IFRD1: variants seen among roughly 807,000 people sequenced by gnomAD.
The protein encoded by IFRD1 is interferon related developmental regulator 1, also known as interferon-related developmental regulator 1.
IFRD1 carries 35 observed loss-of-function variants against 52.9 expected under a neutral mutation model. The observed-to-expected ratio is 0.66, with a 90% CI of 0.51 to 0.88. The LOEUF (loss-of-function observed/expected upper bound fraction) is 0.88, where lower values mean the gene tolerates loss of function less well. IFRD1 is among the 40% of genes least tolerant of loss of function. IFRD1 has a pLI of 0.00. For synonymous variants in IFRD1, 184 were observed against 188.4 expected, an observed-to-expected ratio of 0.98 and a Z score of 0.19; for missense variants, 517 against 550.8, an observed-to-expected ratio of 0.94 and a Z score of 0.61.
chr7:112,442,607 G>T (rs1794918791), intron 1 of IFRD1, among the ~76,000 whole-genome samples: 1 of 152,200 alleles, frequency 6.6e-6, no homozygotes, highest in South Asian at 2.1e-4. Flanking sequence ...GTCCCTGGGG[G>T]TGGGCAGTGA....
chr7:112,469,106 G>A (rs902589707), intron 9 of IFRD1, among the ~76,000 whole-genome samples: 10 of 152,130 alleles, frequency 6.6e-5, no homozygotes, highest in Non-Finnish European at 1.3e-4. Context: ...TGGATTTGAA[G>A]GGTGTGTTTC....
chr7:112,429,299 T>C (rs1399736329), intron 1 of IFRD1, among the ~76,000 whole-genome samples: 10 of 152,254 alleles, frequency 6.6e-5, no homozygotes, highest in Non-Finnish European at 1.2e-4. Context: ...CATCACTCTG[T>C]ATCATAGTCG....
At chr7:112,428,932 A>G (rs1362059066) in intron 1 of IFRD1, among the ~76,000 whole-genome samples, 1 of 152,198 alleles carries the variant, frequency 6.6e-6, no homozygotes, top group East Asian at 1.9e-4. Context: ...TATTGTCATC[A>G]TGACAACAGA....
At chr7:112,444,813 AG>A (rs1330896398) in intron 1 of IFRD1, among the ~76,000 whole-genome samples, 3 of 152,110 alleles carry the variant, frequency 2.0e-5, no homozygotes, top group Non-Finnish European at 4.4e-5. Flanking sequence ...GGAGGGATGG[AG>A]GGGGAAAGAG....
rs1584506950 is a variant in IFRD1, at chr7:112,475,661, A to G, written c.*142A>G. The G allele has an allele frequency of 3.6e-5, 23 of 630,304 alleles. 1 individual carries two copies. The East Asian group carries it at 6.4e-4, about 18-fold the overall frequency. The allele number at this position is 630,304 out of a possible 1,614,324, so 39.0% of individuals were successfully genotyped here. ...TTATATTGCTTATAATTTAATGTAC[A>G]ATACTATTGAAACTGGTGAGTTCTG... is the stretch of plus-strand genomic sequence containing the variant. On this transcript the variant is annotated 3_prime_UTR_variant, in exon 12 of 12. Coordinates refer to ENST00000403825, the MANE Select transcript of IFRD1 (RefSeq NM_001550.4).
At chr7:112,432,220 G>T (rs1209375091) in intron 1 of IFRD1, among the ~76,000 whole-genome samples, 4 of 152,154 alleles carry the variant, frequency 2.6e-5, no homozygotes, top group Non-Finnish European at 5.9e-5. Flanking sequence ...ACTGTAAGTG[G>T]TACAGAGTGT....
At chr7:112,428,440 G>A (rs1395692443) in intron 1 of IFRD1, among the ~76,000 whole-genome samples, 1 of 152,210 alleles carries the variant, frequency 6.6e-6, no homozygotes, top group African/African-American at 2.4e-5. Context: ...TTAAGAGGCA[G>A]TGACAGGTAG....
upstream of IFRD1, among the ~76,000 whole-genome samples, chr7:112,447,907 ATAAG>A (rs139691014): frequency 0.057 from 8,631 of 152,208 alleles, 275 homozygotes; most frequent in South Asian, 0.098. Context: ...GTTTGTAGTG[ATAAG>A]TAGTTTCTCC....
rs566156427 is a variant in IFRD1 at position 112,440,054 on chromosome 7, C to T, written c.-181-10454C>T. Among the ~76,000 whole-genome samples, 18 of 151,936 alleles carry T rather than the reference C, an allele frequency of 1.2e-4. No homozygotes were observed. In the East Asian group the frequency reaches 2.7e-3, roughly 23 times the overall value. ...AGGCTGGAGTGCAGTGGTGCAATCT[C>T]GGCTCACTGCAACCTCTGCCTCCTG... On this transcript the variant is annotated intron_variant, in intron 1 of 12. Coordinates refer to the IFRD1 transcript ENST00000005558.
chr7:112,450,405 G>C (rs911306140), upstream of IFRD1: 1 of 483,544 alleles, frequency 2.1e-6, no homozygotes, highest in Non-Finnish European at 3.8e-6. Context: ...CCCGCCCACA[G>C]AGTGACGTCA....
At chr7:112,424,418 CT>C (rs150700456) in intron 1 of IFRD1, among the ~76,000 whole-genome samples, 29,582 of 144,938 alleles carry the variant, frequency 0.2, 2,990 homozygotes, top group Middle Eastern at 0.29. Flanking sequence ...TTCTTTCTTT[CT>C]TTTTTTTTTT....
At chr7:112,430,381 G>A in intron 1 of IFRD1, among the ~76,000 whole-genome samples, 1 of 152,196 alleles carries the variant, frequency 6.6e-6, no homozygotes, top group East Asian at 1.9e-4. Context: ...TCTGGAAGGT[G>A]GTTCTGAGAT....
rs1413924687 is a variant in IFRD1, at chr7:112,472,761, A to G, written c.1171-5A>G. ...GAGCCATACCACCTTTTTCTTTCACATAAGTCAAATGAATTCCTTCGAAAT... is the reference window on the plus strand; with the variant it reads ...GAGCCATACCACCTTTTTCTTTCACGTAAGTCAAATGAATTCCTTCGAAAT... On this transcript the variant is annotated splice_polypyrimidine_tract_variant and splice_region_variant and intron_variant, in intron 10 of 11. Transcript: ENST00000403825. 5 of 1,589,804 alleles carry G rather than the reference A, an allele frequency of 3.1e-6. No homozygotes were observed. Among genetic ancestry groups the G allele is most frequent in the Admixed American group, 3.3e-5 (2 of 59,996 alleles).
intron 8 of IFRD1, among the ~76,000 whole-genome samples, chr7:112,465,507 T>C (rs990869627): frequency 6.6e-6 from 1 of 152,230 alleles, no homozygotes; most frequent in African/African-American, 2.4e-5. Context: ...TATATTGTGT[T>C]AGATTCTGTT....
chr7:112,436,945 T>C (rs1307186254), intron 1 of IFRD1, among the ~76,000 whole-genome samples: 1 of 152,096 alleles, frequency 6.6e-6, no homozygotes, highest in Non-Finnish European at 1.5e-5. Context: ...GCTTAGAGTA[T>C]AGGAGATTAA....
At chr7:112,465,517 T>C (rs915800563) in intron 8 of IFRD1, among the ~76,000 whole-genome samples, 1 of 152,224 alleles carries the variant, frequency 6.6e-6, no homozygotes, top group African/African-American at 2.4e-5. Flanking sequence ...TAGATTCTGT[T>C]GTATTTATAT....
upstream of IFRD1, among the ~76,000 whole-genome samples, chr7:112,447,429 C>T (rs567624320): frequency 2.6e-5 from 4 of 152,254 alleles, no homozygotes; most frequent in Admixed American, 6.5e-5. Context: ...ATTTGTCTAC[C>T]TTATATCCAT....
At chr7:112,452,551 G>A (rs1215272539) in intron 1 of IFRD1, 3 of 600,494 alleles carry the variant, frequency 5.0e-6, no homozygotes, top group Non-Finnish European at 6.3e-6. Context: ...TGATGAAATG[G>A]AAAAGTTTGA....
At chr7:112,424,770 T>G (rs1794394320) in intron 1 of IFRD1, among the ~76,000 whole-genome samples, 1 of 152,242 alleles carries the variant, frequency 6.6e-6, no homozygotes, top group African/African-American at 2.4e-5. Context: ...CCACTGGTAG[T>G]TCAGGAGCAT....
Sources: gnomAD v4.1 joint callset for allele counts (sites outside exome capture counted in the v4.1 genomes callset) on GRCh38, gnomAD v4.1.1 for gene constraint, MANE v1.5 for transcripts, NCBI Gene and HGNC (gene_info 2026-07-23, HGNC 2026-07-21) for gene names.